Variants in KCNQ5 observed in about 807,000 individuals in gnomAD.
The protein encoded by KCNQ5 is potassium voltage-gated channel subfamily KQT member 5.
In KCNQ5, 30 loss-of-function variants were observed where a neutral mutation model predicts 98.2. The ratio of observed to expected loss-of-function variants is 0.31; its 90% CI spans 0.23 to 0.41. KCNQ5 has a LOEUF of 0.41. Among genes scored for constraint, KCNQ5 ranks in the 10% least tolerant of loss-of-function variants. KCNQ5 has a pLI of 1.00. For missense variants in KCNQ5, 835 were observed against 1,182.5 expected, an observed-to-expected ratio of 0.71 and a Z score of 4.31; for synonymous variants, 458 against 449.4, an observed-to-expected ratio of 1.02 and a Z score of -0.24.
At chr6:73,155,301 T>C (rs1197249473) in intron 10 of KCNQ5, among the ~76,000 whole-genome samples, 1 of 152,264 alleles carries the variant, frequency 6.6e-6, no homozygotes, top group Non-Finnish European at 1.5e-5. Flanking sequence ...ATTATTCTGA[T>C]GTTCTCCACA....
At chr6:72,790,786 C>T (rs1428724759) in intron 1 of KCNQ5, among the ~76,000 whole-genome samples, 2 of 151,928 alleles carry the variant, frequency 1.3e-5, no homozygotes, top group Non-Finnish European at 2.9e-5. Flanking sequence ...TCATTTAGAA[C>T]ATTAAGGACA....
chr6:73,018,533 A>C (rs542091955), intron 2 of KCNQ5, among the ~76,000 whole-genome samples: 1 of 151,982 alleles, frequency 6.6e-6, no homozygotes, highest in South Asian at 2.1e-4. Flanking sequence ...TGATTCATTA[A>C]TTCATTTATT....
chr6:73,175,089 C>T (rs941151125), intron 11 of KCNQ5, among the ~76,000 whole-genome samples: 1 of 152,058 alleles, frequency 6.6e-6, no homozygotes, highest in African/African-American at 2.4e-5. Flanking sequence ...GAAGCACTTG[C>T]CATTTTCCCC....
chr6:73,132,614 G>C (rs1776280861), intron 9 of KCNQ5, among the ~76,000 whole-genome samples: 1 of 152,196 alleles, frequency 6.6e-6, no homozygotes, highest in African/African-American at 2.4e-5. Context: ...TGTTGTTAAT[G>C]CTTCTTTTAT....
intron 10 of KCNQ5, among the ~76,000 whole-genome samples, chr6:73,155,281 G>T (rs1777317011): frequency 6.6e-6 from 1 of 152,194 alleles, no homozygotes; most frequent in Non-Finnish European, 1.5e-5. Flanking sequence ...AATTAAAATG[G>T]TGTGTTCTAA....
intron 1 of KCNQ5, among the ~76,000 whole-genome samples, chr6:72,892,906 T>C (rs1257011912): frequency 2.0e-5 from 3 of 152,144 alleles, no homozygotes; most frequent in African/African-American, 7.2e-5. Flanking sequence ...ATCAGTCATA[T>C]AAGCTCTTAA....
intron 1 of KCNQ5, among the ~76,000 whole-genome samples, chr6:72,913,064 T>C (rs1331335355): frequency 6.6e-6 from 1 of 152,178 alleles, no homozygotes. Context: ...AAATGAAAGT[T>C]TTTTTAATGG....
At chr6:72,741,098 C>A (rs925480879) in intron 1 of KCNQ5, among the ~76,000 whole-genome samples, 1 of 152,114 alleles carries the variant, frequency 6.6e-6, no homozygotes, top group Admixed American at 6.5e-5. Flanking sequence ...TGATGTCTTG[C>A]CCTTTTCCTG....
chr6:73,105,344 A>G lies in KCNQ5; in HGVS notation c.1006A>G (p.Ile336Val). Reference sequence around the variant, plus strand: ...TTCTGCAGGCTTTGCACTCCTTGGCATTTCTTTCTTTGCACTTCCTGCCGT... The same window carrying G: ...TTCTGCAGGCTTTGCACTCCTTGGCGTTTCTTTCTTTGCACTTCCTGCCGT... ...LLSAGFALLG[I>V]SFFALPAGIL... The change falls in exon 6 of 14, where the codon ATT becomes GTT. Residue 336 changes from isoleucine (I) to valine (V), a missense_variant. Ile to Val is a conservative substitution (Grantham distance 29). This residue lies in a region of KCNQ5 where 30 missense variants were observed against 132.9 expected (regional missense o/e 0.23). Transcript: ENST00000370398. The G allele has an allele frequency of 6.2e-7, 1 of 1,611,098 alleles. No homozygotes were observed. The highest frequency in any genetic ancestry group is 2.2e-5 in the East Asian group (1 of 44,776).
At chr6:72,961,485 G>C (rs1037972153) in intron 1 of KCNQ5, among the ~76,000 whole-genome samples, 1 of 152,094 alleles carries the variant, frequency 6.6e-6, no homozygotes, top group Non-Finnish European at 1.5e-5. Context: ...AGCCGGGCGT[G>C]GTGGCGGGCG....
At chr6:73,006,971 C>T (rs903834096) in intron 2 of KCNQ5, among the ~76,000 whole-genome samples, 1 of 152,144 alleles carries the variant, frequency 6.6e-6, no homozygotes, top group Non-Finnish European at 1.5e-5. Flanking sequence ...CACTCTTTTC[C>T]ACCTAATTGT....
intron 10 of KCNQ5, among the ~76,000 whole-genome samples, chr6:73,134,499 A>G (rs1204439473): frequency 6.6e-6 from 1 of 152,208 alleles, no homozygotes; most frequent in Non-Finnish European, 1.5e-5. Flanking sequence ...AGCTCGAGGA[A>G]TAAAATTAAC....
chr6:72,848,811 G>A (rs1449205939), intron 1 of KCNQ5, among the ~76,000 whole-genome samples: 4 of 152,066 alleles, frequency 2.6e-5, no homozygotes, highest in African/African-American at 4.8e-5. Context: ...GGCTTCTCCC[G>A]CTTTGCTCAG....
At chr6:72,981,388 A>T (rs1029471664) in intron 1 of KCNQ5, among the ~76,000 whole-genome samples, 1 of 152,006 alleles carries the variant, frequency 6.6e-6, no homozygotes, top group South Asian at 2.1e-4. Context: ...TAGTCTTGGG[A>T]GGGTGTATAT....
intron 3 of KCNQ5, among the ~76,000 whole-genome samples, chr6:73,050,312 G>GGAAGTA (rs1562147991): frequency 1.5e-5 from 1 of 66,150 alleles, no homozygotes; most frequent in Non-Finnish European, 3.2e-5. Context: ...GGAAGGAAGG[G>GGAAGTA]AGGGAAGAAG....
intron 1 of KCNQ5, among the ~76,000 whole-genome samples, chr6:72,679,474 C>CA (rs1298097909): frequency 6.7e-6 from 1 of 148,518 alleles, no homozygotes; most frequent in African/African-American, 2.5e-5. Context: ...ATCGCAAGAA[C>CA]AAAAAACCAA....
intron 1 of KCNQ5, among the ~76,000 whole-genome samples, chr6:72,796,234 A>G (rs1401975907): frequency 6.6e-6 from 1 of 152,194 alleles, no homozygotes; most frequent in African/African-American, 2.4e-5. Context: ...AGTAATTGCC[A>G]AGTCCTTTGT....
chr6:72,780,599 T>C (rs1356116023), intron 1 of KCNQ5, among the ~76,000 whole-genome samples: 1 of 152,158 alleles, frequency 6.6e-6, no homozygotes, highest in Non-Finnish European at 1.5e-5. Context: ...TTTTGCTCAA[T>C]GCATCTGGGA....
intron 1 of KCNQ5, among the ~76,000 whole-genome samples, chr6:72,951,573 G>A (rs778207539): frequency 9.9e-5 from 15 of 151,780 alleles, no homozygotes; most frequent in Middle Eastern, 6.8e-3. Context: ...GTGAGCCACT[G>A]TTCCTGGCCT....
Sources: allele counts gnomAD v4.1 joint callset (sites outside exome capture counted in the v4.1 genomes callset), GRCh38; gene constraint gnomAD v4.1.1; regional missense constraint gnomAD v4.1.1; transcripts MANE v1.5; gene names NCBI Gene and HGNC (gene_info 2026-07-23, HGNC 2026-07-21).